REEP3: variants seen among roughly 807,000 people sequenced by gnomAD.
The protein encoded by REEP3 is receptor accessory protein 3, also known as receptor expression-enhancing protein 3.
Under a neutral mutation model 41.3 loss-of-function variants are expected in REEP3, and 20 were observed. That is an observed-to-expected ratio of 0.48 (90% CI 0.34 to 0.70). REEP3 has a LOEUF of 0.70. Among genes scored for constraint, REEP3 ranks in the 30% least tolerant of loss-of-function variants. The probability of loss-of-function intolerance (pLI) is 0.01; values close to 1 mark genes in which losing one functional copy is unlikely to be tolerated. For synonymous variants in REEP3, 104 were observed against 101.8 expected, an observed-to-expected ratio of 1.02 and a Z score of -0.13; for missense variants, 271 against 308.8, an observed-to-expected ratio of 0.88 and a Z score of 0.92.
intron 1 of REEP3, among the ~76,000 whole-genome samples, chr10:63,560,121 G>C (rs1026832652): frequency 2.0e-5 from 3 of 151,986 alleles, no homozygotes; most frequent in Non-Finnish European, 2.9e-5. Flanking sequence ...GGAAAAGGGG[G>C]CTCACTGTTA....
Position 63,623,043 on chromosome 10 carries a change from C to T in REEP3, c.*2174C>T, listed in dbSNP as rs1040243961. ...TCTAAAGTCTGGTCCCAGTATTAAACCTATTCTTTAGTAAACTCATATTAC... is the reference window on the plus strand; with the variant it reads ...TCTAAAGTCTGGTCCCAGTATTAAATCTATTCTTTAGTAAACTCATATTAC... On this transcript the variant is annotated 3_prime_UTR_variant, in exon 8 of 8. Coordinates refer to ENST00000373758, the MANE Select transcript of REEP3 (RefSeq NM_001001330.3). 1 of 152,156 alleles carries T rather than the reference C, an allele frequency of 6.6e-6. No individual in the cohort carries two copies. Among genetic ancestry groups the T allele is most frequent in the East Asian group, 1.9e-4 (1 of 5,198 alleles). 9.4% of individuals were successfully genotyped at this position (152,156 alleles called of 1,614,324 possible).
In REEP3 at chr10:63,596,636, A is replaced by G. The variant is rs149136568; in HGVS notation, c.183-1388A>G. Reference sequence around the variant, plus strand: ...AACAAGATACTGAGCCTCTCATTATATATTAGTGAACTTTTGCTGTGGCAA... The same window carrying G: ...AACAAGATACTGAGCCTCTCATTATGTATTAGTGAACTTTTGCTGTGGCAA... On this transcript the variant is annotated intron_variant, in intron 3 of 7. Coordinates refer to ENST00000373758, the MANE Select transcript of REEP3 (RefSeq NM_001001330.3). 6.2e-3 allele frequency among the ~76,000 whole-genome samples: 947 copies of G among 152,296 alleles called. 5 individuals carry two copies. Among genetic ancestry groups the G allele is most frequent in the Admixed American group, 0.011 (174 of 15,302 alleles).
In REEP3 at chr10:63,579,045, G is replaced by GC. The variant is rs914630770; in HGVS notation, c.105+12635_105+12636insC. ...TCTTCACTATGTGTTTTTTTTTGGGGGGGGGGAGATGGAGTCTCTCTCTGT... is the reference window on the plus strand; with the variant it reads ...TCTTCACTATGTGTTTTTTTTTGGGGCGGGGGGAGATGGAGTCTCTCTCTGT... On this transcript the variant is annotated intron_variant, in intron 2 of 7. Transcript: ENST00000373758. 1.4e-4 allele frequency among the ~76,000 whole-genome samples: 20 copies of GC among 147,558 alleles called. 1 individual carries two copies. In the East Asian group the frequency reaches 1.6e-3, roughly 12 times the overall value.
At chr10:63,614,062 T>C (rs1468666385) in intron 6 of REEP3, among the ~76,000 whole-genome samples, 1 of 152,216 alleles carries the variant, frequency 6.6e-6, no homozygotes. Context: ...TTATATGTTA[T>C]AGGCAAAGGG....
chr10:63,607,835 T>C lies in REEP3; in HGVS notation c.418-2352T>C, dbSNP rs1477758480. ...GTGAGGTATATCCCAAGAGATTTGT[T>C]GATTATGCTTGTTAAACATACCAAA... On this transcript the variant is annotated intron_variant, in intron 5 of 7. Coordinates refer to ENST00000373758, the MANE Select transcript of REEP3 (RefSeq NM_001001330.3). Among the ~76,000 whole-genome samples, 5 of 152,214 alleles carry C rather than the reference T, an allele frequency of 3.3e-5. No homozygotes were observed. In the East Asian group the frequency reaches 7.7e-4, roughly 23 times the overall value.
At chr10:63,603,926 G>A (rs1956200137) in intron 5 of REEP3, among the ~76,000 whole-genome samples, 1 of 152,196 alleles carries the variant, frequency 6.6e-6, no homozygotes, top group African/African-American at 2.4e-5. Flanking sequence ...ACTTCATACT[G>A]AAGAGTAAAT....
At chr10:63,585,095 T>A (rs1955992418) in intron 2 of REEP3, among the ~76,000 whole-genome samples, 1 of 152,234 alleles carries the variant, frequency 6.6e-6, no homozygotes, top group Admixed American at 6.5e-5. Context: ...CTATTTTATA[T>A]GTGATAAACT....
chr10:63,563,908 T>A (rs1317001623), intron 1 of REEP3, among the ~76,000 whole-genome samples: 1 of 152,124 alleles, frequency 6.6e-6, no homozygotes, highest in African/African-American at 2.4e-5. Flanking sequence ...AGAAGCATCG[T>A]ACAACATACT....
At chr10:63,575,366 C>T (rs570595411) in intron 2 of REEP3, among the ~76,000 whole-genome samples, 3 of 152,248 alleles carry the variant, frequency 2.0e-5, no homozygotes, top group South Asian at 4.1e-4. Flanking sequence ...TACTTTGTTG[C>T]ATGAGTCCGT....
chr10:63,566,208 A>G, intron 1 of REEP3, 130 bp from the exon 2 acceptor site: 1 of 651,586 alleles, frequency 1.5e-6, no homozygotes, highest in Admixed American at 3.0e-5. Flanking sequence ...TTAAAAATAT[A>G]TTTTTACTTT....
chr10:63,610,325 G>C lies in REEP3; in HGVS notation c.556G>C (p.Glu186Gln). 1 of 1,553,708 alleles carries C rather than the reference G, an allele frequency of 6.4e-7. No individual in the cohort carries two copies. The highest frequency in any genetic ancestry group is 8.7e-7 in the Non-Finnish European group (1 of 1,147,820). The part of the protein sequence containing the change: ...AKKKSKPAPS[E>Q]SAGYGIPLKD... ...AAAGAAAAGTAAACCAGCCCCCAGTGAATCAGCAGGTGTGCTTGTGTGTTT... is the reference window on the plus strand; with the variant it reads ...AAAGAAAAGTAAACCAGCCCCCAGTCAATCAGCAGGTGTGCTTGTGTGTTT... Residue 186 changes from glutamate (E) to glutamine (Q), a missense_variant, in exon 6 of 8, where the codon GAA (glutamate) becomes CAA (glutamine). Coordinates refer to ENST00000373758, the MANE Select transcript of REEP3 (RefSeq NM_001001330.3).
At position 63,623,118 on chromosome 10, in the gene REEP3, ATTCT is replaced by A. The variant is rs1272015252; in HGVS notation, c.*2252_*2255del. The A allele has an allele frequency of 6.6e-6, 1 of 152,192 alleles. No individual in the cohort carries two copies. Among genetic ancestry groups the A allele is most frequent in the East Asian group, 1.9e-4 (1 of 5,204 alleles). 9.4% of individuals were successfully genotyped at this position (152,192 alleles called of 1,614,324 possible). On this transcript the variant is annotated 3_prime_UTR_variant, in exon 8 of 8. Coordinates refer to ENST00000373758, the MANE Select transcript of REEP3 (RefSeq NM_001001330.3). ...ATTACTCTGTACTTCTAGACTCAAA[ATTCT>A]TTATCAAAGATAGTCTCAAAGAGGT... is the stretch of plus-strand genomic sequence containing the variant.
chr10:63,606,677 A>T (rs1196788637), intron 5 of REEP3, among the ~76,000 whole-genome samples: 2 of 152,260 alleles, frequency 1.3e-5, no homozygotes, highest in Non-Finnish European at 1.5e-5. Context: ...ACAAGTGACT[A>T]TAATGTTCTA....
At chr10:63,521,726 C>A (rs1450480992) in intron 1 of REEP3, 149 bp downstream of exon 1, 1 of 421,238 alleles carries the variant, frequency 2.4e-6, no homozygotes. Context: ...GGGGAGCCCT[C>A]GGCTTCCTCA....
chr10:63,624,593 T>C lies in REEP3; in HGVS notation c.*3724T>C, dbSNP rs1296820353. Reference sequence around the variant, plus strand: ...TTTGTGGCAATTCGCGTTTCTTTTTTTATGCCAGAGTACATATGTTGGATT... The same window carrying C: ...TTTGTGGCAATTCGCGTTTCTTTTTCTATGCCAGAGTACATATGTTGGATT... On this transcript the variant is annotated 3_prime_UTR_variant, in exon 8 of 8. Coordinates refer to ENST00000373758, the MANE Select transcript of REEP3 (RefSeq NM_001001330.3). 1 of 152,166 alleles carries C rather than the reference T, an allele frequency of 6.6e-6. No homozygotes were observed. The highest frequency in any genetic ancestry group is 1.5e-5 in the Non-Finnish European group (1 of 67,968). 9.4% of individuals were successfully genotyped at this position (152,166 alleles called of 1,614,324 possible).
chr10:63,577,636 G>GA (rs926240012), intron 2 of REEP3, among the ~76,000 whole-genome samples: 4 of 150,934 alleles, frequency 2.7e-5, no homozygotes, highest in East Asian at 1.9e-4. Flanking sequence ...TTTTAAGTAG[G>GA]AAAAAAAAGC....
At chr10:63,540,015 C>T (rs1184915966) in intron 1 of REEP3, among the ~76,000 whole-genome samples, 1 of 152,180 alleles carries the variant, frequency 6.6e-6, no homozygotes, top group African/African-American at 2.4e-5. Context: ...AAAATATTCT[C>T]AGTTCGATTT....
chr10:63,582,992 C>CTTTTTTTTTTTTTTTTTTTTTTTTTT (rs1391434567), intron 2 of REEP3, among the ~76,000 whole-genome samples: 2 of 151,580 alleles, frequency 1.3e-5, no homozygotes, highest in Non-Finnish European at 1.5e-5. Context: ...AGTTTTTTTT[C>CTTTTTTTTTTTTTTTTTTTTTTTTTT]TTTTTTGTTT....
chr10:63,524,122 A>C (rs1955334535), intron 1 of REEP3, among the ~76,000 whole-genome samples: 1 of 152,184 alleles, frequency 6.6e-6, no homozygotes, highest in African/African-American at 2.4e-5. Flanking sequence ...GCACATTAGA[A>C]AGCACACTTG....
Sources: gnomAD v4.1 joint callset for allele counts (sites outside exome capture counted in the v4.1 genomes callset) on GRCh38, gnomAD v4.1.1 for gene constraint, MANE v1.5 for transcripts, NCBI Gene and HGNC (gene_info 2026-07-23, HGNC 2026-07-21) for gene names.